Variants in LPP observed in about 807,000 individuals in gnomAD.
LPP encodes lipoma-preferred partner.
A neutral mutation model predicts 60.4 loss-of-function variants in LPP; 38 were observed. That is an observed-to-expected ratio of 0.63 (90% confidence interval 0.49 to 0.83). The LOEUF is 0.83. LPP is among the 40% of genes least tolerant of loss of function. The pLI, the probability that LPP is intolerant of heterozygous loss-of-function variation, is 0.00. For missense variants in LPP, 902 were observed against 783.6 expected (o/e 1.15, Z -1.80); for synonymous variants, 328 against 290.8 (o/e 1.13, Z -1.30).
intron 1 of LPP, among the ~76,000 whole-genome samples, chr3:188,214,117 A>G (rs1209423647): frequency 6.6e-6 from 1 of 151,240 alleles, no homozygotes; most frequent in Non-Finnish European, 1.5e-5. Flanking sequence ...TTTCAGATCA[A>G]CTTTTTTTTT....
chr3:188,153,337 G>A (rs868258176), upstream of LPP: 1 of 152,264 alleles, frequency 6.6e-6, no homozygotes, highest in South Asian at 2.1e-4. Context: ...CGGGTTGGAA[G>A]TTGGTCTTTG....
intron 2 of LPP, among the ~76,000 whole-genome samples, chr3:188,271,242 T>C (rs560000673): frequency 6.6e-6 from 1 of 152,352 alleles, no homozygotes; most frequent in South Asian, 2.1e-4. Context: ...TCCTGCATCT[T>C]CATGGTCTTC....
Position 188,609,089 on chromosome 3 carries a change from A to G in LPP, c.430-72A>G. ...TAGCAGTTATTAATATTTTTCATTT[A>G]TTCATTTTTATTGAGTTTCGTTGGC... On this transcript the variant is annotated intron_variant, in intron 6 of 11. Coordinates refer to ENST00000617246, the MANE Select transcript of LPP (RefSeq NM_001375462.1). This position sits in a 1 kb window ranked among gnomAD's most constrained non-coding sequence, Gnocchi z 6.9. 9.2e-7 allele frequency: 1 copy of G among 1,083,910 alleles called. No individual in the cohort carries two copies. The highest frequency in any genetic ancestry group is 1.5e-5 in the South Asian group (1 of 65,204). 67.1% of individuals were successfully genotyped at this position (1,083,910 alleles called of 1,614,324 possible). A position where few individuals can be genotyped will look rare whatever the true frequency, so the allele number is the denominator to read the frequency against.
At chr3:188,486,692 T>C (rs1806650802) in intron 5 of LPP, among the ~76,000 whole-genome samples, 1 of 152,234 alleles carries the variant, frequency 6.6e-6, no homozygotes, top group African/African-American at 2.4e-5. Context: ...TTCTGGAGTC[T>C]AGATCTTTTA....
At chr3:188,611,257 T>C (rs1843662149) in intron 7 of LPP, among the ~76,000 whole-genome samples, 1 of 152,160 alleles carries the variant, frequency 6.6e-6, no homozygotes, top group Non-Finnish European at 1.5e-5. Context: ...GATTCCAAAT[T>C]AGAATTTTAA....
At position 188,878,402 on chromosome 3, in the gene LPP, A is replaced by G. The variant is rs944603878; in HGVS notation, c.*3923A>G. On this transcript the variant is annotated 3_prime_UTR_variant, in exon 12 of 12. Coordinates refer to ENST00000617246, the MANE Select transcript of LPP (RefSeq NM_001375462.1). ...CATATACATTTCTAGAAATATTGCT[A>G]TTCTACCTTAGTATTTCACATTTGT... The G allele has an allele frequency of 4.6e-6, 1 of 215,666 alleles. No homozygotes were observed. The highest frequency in any genetic ancestry group is 2.3e-5 in the African/African-American group (1 of 44,310). The allele number at this position is 215,666 out of a possible 1,614,324, so 13.4% of individuals were successfully genotyped here. A position where few individuals can be genotyped will look rare whatever the true frequency, so the allele number is the denominator to read the frequency against.
At chr3:188,427,642 T>C (rs1436621382) in intron 4 of LPP, among the ~76,000 whole-genome samples, 3 of 152,188 alleles carry the variant, frequency 2.0e-5, no homozygotes, top group African/African-American at 7.2e-5. Flanking sequence ...GCAGTCTGTC[T>C]ACAGTGCCTT....
intron 9 of LPP, among the ~76,000 whole-genome samples, chr3:188,795,665 A>G (rs79766085): frequency 6.6e-6 from 1 of 152,124 alleles, no homozygotes; most frequent in African/African-American, 2.4e-5. Context: ...GTTTGGTTCA[A>G]ATTTATCTAG....
intron 1 of LPP, among the ~76,000 whole-genome samples, chr3:188,195,897 C>G (rs770477290): frequency 6.6e-6 from 1 of 152,136 alleles, no homozygotes; most frequent in Admixed American, 6.5e-5. Flanking sequence ...AAGATTTATA[C>G]GGACATGCTT....
chr3:188,183,915 A>T (rs1725835503), intron 1 of LPP, among the ~76,000 whole-genome samples: 1 of 152,174 alleles, frequency 6.6e-6, no homozygotes, highest in Non-Finnish European at 1.5e-5. Context: ...TAGGAATTTA[A>T]GCAAAAAGCC....
At chr3:188,753,632 T>A (rs2150355183) in intron 8 of LPP, among the ~76,000 whole-genome samples, 1 of 151,836 alleles carries the variant, frequency 6.6e-6, no homozygotes, top group South Asian at 2.1e-4. Context: ...TTTTTGTTTT[T>A]TTTTACTTTA....
chr3:188,758,804 A>C (rs1346224703), intron 8 of LPP: 5 of 152,220 alleles, frequency 3.3e-5, no homozygotes, highest in Non-Finnish European at 7.3e-5. Context: ...ACAGATGCTG[A>C]AGTTAGACTG....
At position 188,509,624 on chromosome 3, in the gene LPP, C is replaced by CCCTT. The variant is rs1166656652; in HGVS notation, c.307-14981_307-14978dup. 2.9e-3 allele frequency among the ~76,000 whole-genome samples: 337 copies of CCCTT among 116,856 alleles called. 12 individuals are homozygous for CCCTT. The highest frequency in any genetic ancestry group is 0.011 in the African/African-American group (324 of 29,176). The allele number at this position is 116,856 out of a possible 152,430, so 76.7% of individuals were successfully genotyped here. ...ATTCAACTTTTCATTTTTTTTTGTC[C>CCCTT]CCTTCCTTCCTTCCTTCCTTCCTTC... On this transcript the variant is annotated intron_variant, in intron 5 of 11. Coordinates refer to ENST00000617246, the MANE Select transcript of LPP (RefSeq NM_001375462.1).
intron 3 of LPP, among the ~76,000 whole-genome samples, chr3:188,401,367 T>C (rs1782204382): frequency 6.6e-6 from 1 of 152,202 alleles, no homozygotes. Flanking sequence ...CAGAAATGCC[T>C]TGCTTCATAC....
chr3:188,764,082 A>T (rs1231107588), intron 9 of LPP, among the ~76,000 whole-genome samples: 1 of 152,132 alleles, frequency 6.6e-6, no homozygotes, highest in Non-Finnish European at 1.5e-5. Flanking sequence ...AATCAATGAG[A>T]TGCTTTTCTT....
intron 3 of LPP, among the ~76,000 whole-genome samples, chr3:188,379,028 G>A (rs550271345): frequency 3.1e-4 from 47 of 152,190 alleles, no homozygotes; most frequent in Non-Finnish European, 4.7e-4. Flanking sequence ...GGGCAGGAGC[G>A]CAAGTGGGGC....
intron 10 of LPP, among the ~76,000 whole-genome samples, chr3:188,867,404 G>A (rs1478514171): frequency 6.6e-6 from 1 of 151,536 alleles, no homozygotes; most frequent in Admixed American, 6.6e-5. Context: ...GAGTGCAGTA[G>A]TGCAATCTCA....
intron 7 of LPP, among the ~76,000 whole-genome samples, chr3:188,661,854 C>G (rs998067806): frequency 6.6e-6 from 1 of 151,912 alleles, no homozygotes; most frequent in African/African-American, 2.4e-5. Context: ...TGGAGAACTC[C>G]TAACTCATTT....
intron 9 of LPP, among the ~76,000 whole-genome samples, chr3:188,762,408 T>C (rs1299555404): frequency 6.6e-6 from 1 of 152,230 alleles, no homozygotes; most frequent in East Asian, 1.9e-4. Context: ...TGAAACTGTT[T>C]AATATTTCTG....
Sources: gnomAD v4.1 joint callset for allele counts (sites outside exome capture counted in the v4.1 genomes callset) on GRCh38, gnomAD v4.1.1 for gene constraint, Gnocchi (gnomAD v3.1) non-coding constraint, MANE v1.5 for transcripts, NCBI Gene and HGNC (gene_info 2026-07-23, HGNC 2026-07-21) for gene names.